The following TMIGD3 variants were observed in gnomAD, a reference collection of about 807,000 sequenced individuals.
TMIGD3 encodes the protein transmembrane and immunoglobulin domain containing 3.
Under a neutral mutation model 28.1 loss-of-function variants are expected in TMIGD3, and 21 were observed. The ratio of observed to expected loss-of-function variants is 0.75; its 90% CI spans 0.53 to 1.08. The LOEUF is 1.08. TMIGD3 is among the 50% of genes least tolerant of loss of function. The probability of loss-of-function intolerance (pLI) is 0.00; values close to 1 mark genes in which losing one functional copy is unlikely to be tolerated. For missense variants in TMIGD3, 416 were observed against 435.6 expected (o/e 0.96, Z 0.40); for synonymous variants, 151 against 162.1 (o/e 0.93, Z 0.52).
At chr1:111,502,572 A>T (rs575999242) in intron 1 of TMIGD3, among the ~76,000 whole-genome samples, 39 of 149,734 alleles carry the variant, frequency 2.6e-4, no homozygotes, top group Non-Finnish European at 2.1e-4. Flanking sequence ...TAAAATAATA[A>T]CCTACATTTG....
chr1:111,540,512 G>A (rs1002257259), intron 1 of TMIGD3, among the ~76,000 whole-genome samples: 1 of 152,194 alleles, frequency 6.6e-6, no homozygotes, highest in Non-Finnish European at 1.5e-5. Flanking sequence ...AGAGGTAAGA[G>A]AGACTGACAC....
At chr1:111,548,027 T>A (rs1392954726) in intron 1 of TMIGD3, among the ~76,000 whole-genome samples, 6 of 152,184 alleles carry the variant, frequency 3.9e-5, no homozygotes, top group Non-Finnish European at 8.8e-5. Flanking sequence ...TTTGTTTGTT[T>A]GTTTGTCTTT....
chr1:111,542,887 G>A (rs1182116920), intron 1 of TMIGD3, among the ~76,000 whole-genome samples: 2 of 151,970 alleles, frequency 1.3e-5, no homozygotes, highest in African/African-American at 2.4e-5. Context: ...AATAGAGATG[G>A]GGTTTCACCA....
At chr1:111,524,028 CTTTT>C (rs35046603) in intron 1 of TMIGD3, among the ~76,000 whole-genome samples, 21,272 of 109,096 alleles carry the variant, frequency 0.19, 2,047 homozygotes, top group Non-Finnish European at 0.27. Flanking sequence ...TCTTTCTTTT[CTTTT>C]TTTTTTTTTT....
At chr1:111,504,208 C>T, upstream of TMIGD3, 1 of 863,892 alleles carries the variant, frequency 1.2e-6, no homozygotes, top group Non-Finnish European at 1.4e-6. Flanking sequence ...GCTTAGCCTC[C>T]ACCTCTCTTT....
rs765117814 is a variant in TMIGD3 at position 111,489,002 on chromosome 1, C to CT, written c.479dup (p.Val161GlyfsTer34). Reference sequence around the variant, plus strand: ...TGTCCAGCACAAAGCTTCTCTTGACCTTTTCATCCATGACCATGGCATCTG... The same window carrying CT: ...TGTCCAGCACAAAGCTTCTCTTGACCTTTTTCATCCATGACCATGGCATCTG... On this transcript the variant is annotated frameshift_variant, in exon 3 of 6. Transcript: ENST00000369716. LOFTEE classifies it high-confidence loss of function. 6.2e-7 allele frequency: 1 copy of CT among 1,612,320 alleles called. No individual in the cohort carries two copies. The highest frequency in any genetic ancestry group is 1.7e-5 in the Admixed American group (1 of 59,990).
intron 1 of TMIGD3, chr1:111,500,343 G>T (rs150852561): frequency 4.1e-5 from 66 of 1,614,220 alleles, no homozygotes; most frequent in Non-Finnish European, 5.3e-5. Flanking sequence ...CAACCAGGGG[G>T]ATGAAAATCC....
Position 111,509,400 on chromosome 1 carries a change from T to C in TMIGD3, c.108-18638A>G, listed in dbSNP as rs188682375. Among the ~76,000 whole-genome samples the C allele has an allele frequency of 3.7e-4, 57 of 152,344 alleles. No homozygotes were observed. In the East Asian group the frequency reaches 9.1e-3, roughly 24 times the overall value. ...CCTCTTTATCACAGTCCTAGGCTTC[T>C]GGGTGCTCAGGCCGGGTGTCCCCAC... On this transcript the variant is annotated intron_variant, in intron 1 of 5. Coordinates refer to the TMIGD3 transcript ENST00000369717.
chr1:111,495,244 C>G (rs2100969308), intron 1 of TMIGD3, among the ~76,000 whole-genome samples: 1 of 152,280 alleles, frequency 6.6e-6, no homozygotes, highest in South Asian at 2.1e-4. Flanking sequence ...TATCCAGCAT[C>G]TATAAGGAAC....
rs866872541 is a variant in TMIGD3 at position 111,529,959 on chromosome 1, C to T, written c.107+33887G>A. On this transcript the variant is annotated intron_variant, in intron 1 of 5. Coordinates refer to the TMIGD3 transcript ENST00000369717. ...CAGTAGGGGCGGCCGGGCAGAGGCG[C>T]CCCTCACCTCCCGGATGGGGCGGCT... Among the ~76,000 whole-genome samples the T allele has an allele frequency of 7.5e-3, 1,046 of 138,792 alleles. 9 individuals are homozygous for T. The highest frequency in any genetic ancestry group is 0.011 in the Non-Finnish European group (725 of 63,954). The allele number at this position is 138,792 out of a possible 152,430, so 91.1% of individuals were successfully genotyped here.
chr1:111,509,916 G>A (rs1411086819), intron 1 of TMIGD3, among the ~76,000 whole-genome samples: 1 of 152,384 alleles, frequency 6.6e-6, no homozygotes, highest in Non-Finnish European at 1.5e-5. Flanking sequence ...GGGCAGCACA[G>A]CAGCAAATGG....
At chr1:111,535,136 T>C (rs1027476167) in intron 1 of TMIGD3, among the ~76,000 whole-genome samples, 5 of 152,226 alleles carry the variant, frequency 3.3e-5, no homozygotes, top group African/African-American at 9.6e-5. Flanking sequence ...TAGACTAATA[T>C]TGAGGATTCA....
chr1:111,519,357 G>C (rs1383416867), intron 1 of TMIGD3, among the ~76,000 whole-genome samples: 1 of 152,094 alleles, frequency 6.6e-6, no homozygotes, highest in African/African-American at 2.4e-5. Flanking sequence ...CATGGTCTTG[G>C]GAAATAATGG....
At chr1:111,506,377 C>A (rs141407973), upstream of TMIGD3, among the ~76,000 whole-genome samples, 60 of 152,368 alleles carry the variant, frequency 3.9e-4, 1 homozygote, top group East Asian at 0.012. Context: ...CTGCATCATA[C>A]CAACTACTCA....
At chr1:111,513,925 TGC>T (rs1292082124) in intron 1 of TMIGD3, among the ~76,000 whole-genome samples, 1 of 152,068 alleles carries the variant, frequency 6.6e-6, no homozygotes, top group Non-Finnish European at 1.5e-5. Flanking sequence ...CTAGTTGGGG[TGC>T]GGTTGCATGG....
At chr1:111,507,757 C>G (rs1655559542), upstream of TMIGD3, among the ~76,000 whole-genome samples, 1 of 152,220 alleles carries the variant, frequency 6.6e-6, no homozygotes, top group Non-Finnish European at 1.5e-5. Flanking sequence ...TCCTCTTGGC[C>G]CCATCACCAC....
intron 1 of TMIGD3, among the ~76,000 whole-genome samples, chr1:111,494,238 T>C (rs1484801977): frequency 6.6e-6 from 1 of 152,104 alleles, no homozygotes; most frequent in Non-Finnish European, 1.5e-5. Flanking sequence ...GAGACATAAA[T>C]AAAGGGCATC....
chr1:111,536,016 T>C (rs2101018908), intron 1 of TMIGD3, among the ~76,000 whole-genome samples: 1 of 152,240 alleles, frequency 6.6e-6, no homozygotes, highest in South Asian at 2.1e-4. Context: ...TCTTCAACTC[T>C]GCAAGAGAAT....
intron 1 of TMIGD3, among the ~76,000 whole-genome samples, chr1:111,536,647 G>A (rs1436228707): frequency 1.3e-5 from 2 of 151,750 alleles, no homozygotes; most frequent in Non-Finnish European, 2.9e-5. Flanking sequence ...CATTTTTTTT[G>A]TCATTTATGT....
Sources: gnomAD v4.1 joint callset for allele counts (sites outside exome capture counted in the v4.1 genomes callset) on GRCh38, gnomAD v4.1.1 for gene constraint, MANE v1.5 for transcripts, NCBI Gene and HGNC (gene_info 2026-07-23, HGNC 2026-07-21) for gene names.